Variants in PLCXD3 observed in about 807,000 individuals in gnomAD.
PLCXD3 encodes the protein PI-PLC X domain-containing protein 3.
A neutral mutation model predicts 25.5 loss-of-function variants in PLCXD3; 19 were observed. The ratio of observed to expected loss-of-function variants is 0.75; its 90% CI spans 0.52 to 1.09. PLCXD3 has a LOEUF of 1.09. Among genes scored for constraint, PLCXD3 ranks in the 50% least tolerant of loss-of-function variants. The pLI is 0.00. For synonymous variants in PLCXD3, 174 were observed against 137.6 expected (o/e 1.26, Z -1.85); for missense variants, 411 against 388.1 (o/e 1.06, Z -0.50).
chr5:41,478,121 T>C (rs1183260170), intron 1 of PLCXD3, among the ~76,000 whole-genome samples: 7 of 152,210 alleles, frequency 4.6e-5, no homozygotes, highest in Admixed American at 4.6e-4. Flanking sequence ...GAGATGACAC[T>C]GCAGTGACTT....
chr5:41,346,466 C>T (rs1181210600), intron 2 of PLCXD3, among the ~76,000 whole-genome samples: 3 of 152,260 alleles, frequency 2.0e-5, no homozygotes, highest in African/African-American at 4.8e-5. Flanking sequence ...ACTAGAAATG[C>T]TCTGTGCTGT....
At chr5:41,463,609 A>G (rs1218450431) in intron 1 of PLCXD3, among the ~76,000 whole-genome samples, 1 of 151,926 alleles carries the variant, frequency 6.6e-6, no homozygotes, top group African/African-American at 2.4e-5. Flanking sequence ...TTTTCTTTCC[A>G]TTACTAATTC....
chr5:41,478,304 G>A (rs916651398), intron 1 of PLCXD3, among the ~76,000 whole-genome samples: 4 of 152,140 alleles, frequency 2.6e-5, no homozygotes, highest in African/African-American at 4.8e-5. Flanking sequence ...GCAACCATAA[G>A]TAATAATAAT....
chr5:41,476,801 A>C (rs1238508071), intron 1 of PLCXD3, among the ~76,000 whole-genome samples: 1 of 152,190 alleles, frequency 6.6e-6, no homozygotes, highest in Non-Finnish European at 1.5e-5. Context: ...TTCATTATCC[A>C]CATTTTACAG....
At chr5:41,392,201 G>A (rs1451649632) in intron 1 of PLCXD3, among the ~76,000 whole-genome samples, 1 of 152,218 alleles carries the variant, frequency 6.6e-6, no homozygotes, top group Non-Finnish European at 1.5e-5. Flanking sequence ...AGGGCATTGA[G>A]TGAACATAGC....
chr5:41,502,719 T>C (rs1050033405), intron 1 of PLCXD3, among the ~76,000 whole-genome samples: 3 of 152,174 alleles, frequency 2.0e-5, no homozygotes, highest in East Asian at 1.9e-4. Flanking sequence ...TGTTCATCCA[T>C]TGAAGTTTTC....
At chr5:41,319,115 A>G (rs1743385031) in intron 2 of PLCXD3, among the ~76,000 whole-genome samples, 1 of 152,340 alleles carries the variant, frequency 6.6e-6, no homozygotes, top group East Asian at 1.9e-4. Context: ...AGATACATAT[A>G]ATAAGTATTT....
chr5:41,308,992 A>G lies in PLCXD3; in HGVS notation c.*4625T>C, dbSNP rs1427332842. ...AAGACACCATTTTTAACAAAAACTT[A>G]ATTTCTGTTTCAATTTTAAATCCAA... On this transcript the variant is annotated 3_prime_UTR_variant, in exon 3 of 3. Coordinates refer to ENST00000377801, the MANE Select transcript of PLCXD3 (RefSeq NM_001005473.3). 6.6e-6 allele frequency: 1 copy of G among 152,606 alleles called. No individual in the cohort carries two copies. Among genetic ancestry groups the G allele is most frequent in the Non-Finnish European group, 1.5e-5 (1 of 68,034 alleles). 9.5% of individuals were successfully genotyped at this position (152,606 alleles called of 1,614,324 possible).
At chr5:41,384,075 G>A (rs1291463021) in intron 1 of PLCXD3, among the ~76,000 whole-genome samples, 3 of 151,964 alleles carry the variant, frequency 2.0e-5, no homozygotes, top group African/African-American at 4.8e-5. Flanking sequence ...ATTTAGATAA[G>A]TTCTCAGAAT....
chr5:41,312,685 TTTCC>T lies in PLCXD3; in HGVS notation c.*928_*931del, dbSNP rs56721407. On this transcript the variant is annotated 3_prime_UTR_variant, in exon 3 of 3. Transcript: ENST00000377801. ...CTTCCTCCCTCCCTTCCTTTCTTCCTTTCCTTCCTTCCTTCCTTCCTTCCTTCCT... is the reference window on the plus strand; with the variant it reads ...CTTCCTCCCTCCCTTCCTTTCTTCCTTTCCTTCCTTCCTTCCTTCCTTCCT... 15,718 of 104,584 alleles carry T rather than the reference TTTCC, an allele frequency of 0.15. 1,159 individuals carry two copies. Among genetic ancestry groups the T allele is most frequent in the East Asian group, 0.23 (774 of 3,334 alleles). The allele number at this position is 104,584 out of a possible 1,614,324, so 6.5% of individuals were successfully genotyped here. A position where few individuals can be genotyped will look rare whatever the true frequency, so the allele number is the denominator to read the frequency against.
intron 1 of PLCXD3, among the ~76,000 whole-genome samples, chr5:41,401,909 A>G (rs1746197959): frequency 6.6e-6 from 1 of 151,922 alleles, no homozygotes; most frequent in Non-Finnish European, 1.5e-5. Context: ...TAATATTCTT[A>G]TTACACTTTT....
intron 2 of PLCXD3, among the ~76,000 whole-genome samples, chr5:41,366,063 G>A (rs1353591539): frequency 2.0e-5 from 3 of 151,816 alleles, no homozygotes; most frequent in African/African-American, 7.3e-5. Flanking sequence ...ATTTATATTA[G>A]GCATATCTCC....
At chr5:41,479,079 A>G (rs2150522252) in intron 1 of PLCXD3, among the ~76,000 whole-genome samples, 1 of 152,324 alleles carries the variant, frequency 6.6e-6, no homozygotes, top group South Asian at 2.1e-4. Context: ...AAATCATATC[A>G]CCAAATGTTC....
chr5:41,420,280 A>G (rs1194984664), intron 1 of PLCXD3, among the ~76,000 whole-genome samples: 1 of 152,188 alleles, frequency 6.6e-6, no homozygotes, highest in Non-Finnish European at 1.5e-5. Flanking sequence ...ATGTCATTAA[A>G]TTGGTCTTAT....
chr5:41,447,212 G>T (rs1200130842), intron 1 of PLCXD3, among the ~76,000 whole-genome samples: 2 of 152,116 alleles, frequency 1.3e-5, no homozygotes, highest in Non-Finnish European at 2.9e-5. Flanking sequence ...TAGAGTTGTT[G>T]CCCTTTTTTA....
chr5:41,349,627 C>T (rs1417013250), intron 2 of PLCXD3, among the ~76,000 whole-genome samples: 1 of 152,124 alleles, frequency 6.6e-6, no homozygotes, highest in East Asian at 1.9e-4. Flanking sequence ...ATGAAATGGT[C>T]CAAGAGTTTA....
At chr5:41,418,124 G>A (rs1280400675) in intron 1 of PLCXD3, among the ~76,000 whole-genome samples, 1 of 152,062 alleles carries the variant, frequency 6.6e-6, no homozygotes, top group African/African-American at 2.4e-5. Flanking sequence ...CAATATATAG[G>A]TATGTGGCAG....
chr5:41,427,002 C>T (rs1746973695), intron 1 of PLCXD3, among the ~76,000 whole-genome samples: 1 of 152,038 alleles, frequency 6.6e-6, no homozygotes, highest in Non-Finnish European at 1.5e-5. Flanking sequence ...TGATTTTATT[C>T]TTTATAAATT....
chr5:41,373,233 C>T (rs1397811384), intron 2 of PLCXD3, among the ~76,000 whole-genome samples: 2 of 152,068 alleles, frequency 1.3e-5, no homozygotes, highest in African/African-American at 4.8e-5. Context: ...GCATTTCTTC[C>T]TCAACAGAGA....
Sources: allele counts gnomAD v4.1 joint callset (sites outside exome capture counted in the v4.1 genomes callset), GRCh38; gene constraint gnomAD v4.1.1; transcripts MANE v1.5; gene names NCBI Gene and HGNC (gene_info 2026-07-23, HGNC 2026-07-21).